Variants in HGD observed in about 807,000 individuals in gnomAD.
HGD encodes homogentisate 1,2-dioxygenase, also known as homogentisate oxidase.
In HGD, 61 loss-of-function variants were observed where a neutral mutation model predicts 60.8. The observed-to-expected ratio is 1.00, with a 90% CI of 0.82 to 1.24. The LOEUF (loss-of-function observed/expected upper bound fraction) is 1.24, where lower values mean the gene tolerates loss of function less well. HGD is among the 50% of genes most tolerant of loss of function. The pLI is 0.00. For missense variants in HGD, 542 were observed against 547.1 expected, an observed-to-expected ratio of 0.99 and a Z score of 0.09; for synonymous variants, 212 against 187.7, an observed-to-expected ratio of 1.13 and a Z score of -1.06.
chr3:120,657,400 A>G (rs533111323), intron 4 of HGD, among the ~76,000 whole-genome samples: 1 of 152,322 alleles, frequency 6.6e-6, no homozygotes, highest in South Asian at 2.1e-4. Context: ...CTGGGAGTTG[A>G]ACTAGATGAT....
chr3:120,673,207 T>G (rs1387904557), intron 3 of HGD, among the ~76,000 whole-genome samples: 1 of 152,002 alleles, frequency 6.6e-6, no homozygotes, highest in Non-Finnish European at 1.5e-5. Flanking sequence ...TTTAGCTGAG[T>G]TTATAAAACT....
intron 13 of HGD, among the ~76,000 whole-genome samples, chr3:120,630,294 C>G (rs1448530070): frequency 2.0e-5 from 3 of 151,838 alleles, no homozygotes; most frequent in Admixed American, 6.6e-5. Context: ...CATATGGAAC[C>G]AAAAAAGAGC....
At position 120,652,638 on chromosome 3, in the gene HGD, G is replaced by C. The variant is rs866913409; in HGVS notation, c.296C>G (p.Pro99Arg). The C allele has an allele frequency of 9.9e-6, 16 of 1,612,628 alleles. No individual in the cohort carries two copies. The Admixed American group carries it at 2.2e-4, about 22-fold the overall frequency. ...DPDPNQLRWK[P>R]FEIPKASQKK... ...CTGAGATGCTTTTGGAATCTCAAAT[G>C]GTTTCCATCTAAGCTGGAAAAAAAA... The change falls in exon 5 of 14, where the codon CCA becomes CGA. Residue 99 changes from proline (P) to arginine (R), a missense_variant. Physicochemically the swap from Pro to Arg is moderately radical, Grantham distance 103. Coordinates refer to ENST00000283871, the MANE Select transcript of HGD (RefSeq NM_000187.4).
intron 4 of HGD, among the ~76,000 whole-genome samples, chr3:120,660,563 G>C (rs774248654): frequency 7.5e-4 from 114 of 152,302 alleles, no homozygotes; most frequent in Middle Eastern, 6.8e-3. Flanking sequence ...GGTGGTTCAC[G>C]CCTGTAATCC....
At chr3:120,634,507 A>ATC (rs1940696459) in intron 12 of HGD, among the ~76,000 whole-genome samples, 1 of 152,122 alleles carries the variant, frequency 6.6e-6, no homozygotes, top group Admixed American at 6.5e-5. Context: ...GCCAGCACAT[A>ATC]TAATTAGATA....
At chr3:120,647,362 G>A (rs1259308068) in intron 7 of HGD, among the ~76,000 whole-genome samples, 2 of 152,190 alleles carry the variant, frequency 1.3e-5, no homozygotes, top group African/African-American at 2.4e-5. Flanking sequence ...GATAGTTCCA[G>A]TGAAAGGCTG....
chr3:120,642,573 T>C (rs1382942660), intron 10 of HGD, among the ~76,000 whole-genome samples: 1 of 152,152 alleles, frequency 6.6e-6, no homozygotes, highest in Non-Finnish European at 1.5e-5. Flanking sequence ...ATTTCTAAGG[T>C]GTATACAGTC....
Position 120,636,206 on chromosome 3 carries a change from G to T in HGD, c.1006+2249C>A, listed in dbSNP as rs966540927. Among the ~76,000 whole-genome samples, 4 of 151,770 alleles carry T rather than the reference G, an allele frequency of 2.6e-5. No individual in the cohort carries two copies. In the South Asian group the frequency reaches 8.3e-4, roughly 32 times the overall value. On this transcript the variant is annotated intron_variant, in intron 12 of 13. Transcript: ENST00000283871. ...GAGCGGGGAGGATCACTTGAGCCTG[G>T]GGGGTGGAGGTTGCAGTGAGCTGAG...
intron 1 of HGD, among the ~76,000 whole-genome samples, chr3:120,680,782 A>G (rs1708217106): frequency 6.6e-6 from 1 of 152,184 alleles, no homozygotes; most frequent in South Asian, 2.1e-4. Flanking sequence ...TTTGGATTCT[A>G]GAGCATGCAG....
chr3:120,668,076 T>C (rs894517963), intron 4 of HGD, among the ~76,000 whole-genome samples: 5 of 152,166 alleles, frequency 3.3e-5, no homozygotes, highest in South Asian at 4.1e-4. Context: ...GGGGTTAGAA[T>C]AGGGGCTGCA....
At chr3:120,676,139 C>T (rs1269322753) in intron 1 of HGD, among the ~76,000 whole-genome samples, 1 of 152,116 alleles carries the variant, frequency 6.6e-6, no homozygotes, top group Non-Finnish European at 1.5e-5. Context: ...TGGGTCTACA[C>T]TGTAACCTCC....
chr3:120,644,423 GATTGGCCAAGCC>G lies in HGD; in HGVS notation c.658_669del (p.Gly220_Asn223del). ...GCAATGGGTATCAAGAAATCACGAG[GATTGGCCAAGCC>G]ATTGGCCCCTAGAAAACAGTAACCC... On this transcript the variant is annotated inframe_deletion, in exon 10 of 14. Transcript: ENST00000283871. 1.2e-6 allele frequency: 2 copies of G among 1,614,076 alleles called. No individual in the cohort carries two copies. Among genetic ancestry groups the G allele is most frequent in the Non-Finnish European group, 1.7e-6 (2 of 1,179,992 alleles).
chr3:120,667,326 CAAAA>C (rs71133514), intron 4 of HGD, among the ~76,000 whole-genome samples: 22 of 60,074 alleles, frequency 3.7e-4, no homozygotes, highest in African/African-American at 9.2e-4. Flanking sequence ...ACTCTTGTCT[CAAAA>C]AAAAAAAAAA....
rs142836294 is a variant in HGD, at chr3:120,668,941, G to A, written c.282+1486C>T. ...AGAAGGTTAAAAAAAGAGCTCAGTC[G>A]TTTATAGCACTGGGTCTATCTCATT... On this transcript the variant is annotated intron_variant, in intron 4 of 13. Transcript: ENST00000283871. 4.7e-4 allele frequency among the ~76,000 whole-genome samples: 72 copies of A among 151,762 alleles called. No individual in the cohort carries two copies. In the East Asian group the frequency reaches 9.7e-3, roughly 20 times the overall value.
At chr3:120,632,764 A>C (rs142336587) in intron 13 of HGD, among the ~76,000 whole-genome samples, 5,562 of 152,276 alleles carry the variant, frequency 0.037, 130 homozygotes, top group Middle Eastern at 0.058. Context: ...GTTCCCTTAC[A>C]TTTGAATAGT....
chr3:120,662,446 C>T (rs991167004), intron 4 of HGD, among the ~76,000 whole-genome samples: 2 of 152,168 alleles, frequency 1.3e-5, no homozygotes, highest in Admixed American at 1.3e-4. Context: ...TGCAGTCCAG[C>T]ACCAACCTGC....
In HGD at chr3:120,675,812, C is replaced by G. The variant is rs1708118311; in HGVS notation, c.67G>C (p.Gly23Arg). 6.2e-7 allele frequency: 1 copy of G among 1,613,518 alleles called. No homozygotes were observed. Among genetic ancestry groups the G allele is most frequent in the Admixed American group, 1.7e-5 (1 of 59,978 alleles). ...CATACCTGTCCTTCTGGCAGGGAAC[C>G]TGGGCAGCGAGGATCCTCTGAAGAA... ...ECSSEDPRCP[G>R]SLPEGQNNPQ... Residue 23 changes from glycine (G) to arginine (R), a missense_variant, in exon 2 of 14, where the codon GGT becomes CGT. Around this residue, in one of 2 missense-constraint regions of HGD, gnomAD observed 537 missense variants for 529.1 expected, o/e 1.01. Coordinates refer to ENST00000283871, the MANE Select transcript of HGD (RefSeq NM_000187.4).
At position 120,661,859 on chromosome 3, in the gene HGD, G is replaced by A. The variant is rs184577429; in HGVS notation, c.282+8568C>T. ...ATGATAGGATCTGAACTATCAGGGA[G>A]TAAATTCAACAAATACTTGCGATTC... On this transcript the variant is annotated intron_variant, in intron 4 of 13. Coordinates refer to ENST00000283871, the MANE Select transcript of HGD (RefSeq NM_000187.4). 2.6e-5 allele frequency among the ~76,000 whole-genome samples: 4 copies of A among 152,316 alleles called. No homozygotes were observed. In the East Asian group the frequency reaches 7.7e-4, roughly 29 times the overall value.
chr3:120,651,598 A>G (rs1941343302), intron 5 of HGD, among the ~76,000 whole-genome samples: 1 of 152,244 alleles, frequency 6.6e-6, no homozygotes. Context: ...CACTTAATAA[A>G]GATGAGAACT....
Sources: allele counts gnomAD v4.1 joint callset (sites outside exome capture counted in the v4.1 genomes callset), GRCh38; gene constraint gnomAD v4.1.1; regional missense constraint gnomAD v4.1.1; transcripts MANE v1.5; gene names NCBI Gene and HGNC (gene_info 2026-07-23, HGNC 2026-07-21).